Variants in UBE2O observed in about 807,000 individuals in gnomAD.
UBE2O encodes the protein (E3-independent) E2 ubiquitin-conjugating enzyme.
In UBE2O, 15 loss-of-function variants were observed where a neutral mutation model predicts 125.8. The ratio of observed to expected loss-of-function variants is 0.12; its 90% CI spans 0.08 to 0.18. UBE2O has a LOEUF of 0.18. UBE2O is among the 10% of genes least tolerant of loss of function. The pLI, the probability that UBE2O is intolerant of heterozygous loss-of-function variation, is 1.00. For missense variants in UBE2O, 1,280 were observed against 1,723.6 expected (o/e 0.74, Z 4.56); for synonymous variants, 708 against 703.2 (o/e 1.01, Z -0.11).
chr17:76,438,875 G>A (rs1370986700), intron 1 of UBE2O, among the ~76,000 whole-genome samples: 1 of 152,070 alleles, frequency 6.6e-6, no homozygotes, highest in Non-Finnish European at 1.5e-5. Context: ...GCATGCATAG[G>A]TGACGCCATG....
Position 76,398,784 on chromosome 17 carries a change from C to T in UBE2O, c.1783+53G>A, listed in dbSNP as rs1157358652. 16 of 1,594,610 alleles carry T rather than the reference C, an allele frequency of 1.0e-5. No individual in the cohort carries two copies. The highest frequency in any genetic ancestry group is 5.1e-5 in the Admixed American group (3 of 58,994). On this transcript the variant is annotated intron_variant, in intron 10 of 17. Coordinates refer to ENST00000319380, the MANE Select transcript of UBE2O (RefSeq NM_022066.4). This position sits in a 1 kb window ranked among gnomAD's most constrained non-coding sequence, Gnocchi z 5.4. ...TGCCCATTCTCCACAAGCCCCAACC[C>T]GGGCCCTCATTGGCGACCACCCTGC...
chr17:76,396,290 G>C lies in UBE2O; in HGVS notation c.2647C>G (p.Pro883Ala). Residue 883 changes from proline (P) to alanine (A), a missense_variant, in exon 14 of 18, where the codon CCC (proline) becomes GCC (alanine). Pro to Ala is a conservative substitution (Grantham distance 27, BLOSUM62 -1). Transcript: ENST00000319380. This position sits in a 1 kb window ranked among gnomAD's most constrained non-coding sequence, Gnocchi z 6.7. ...IVEEEKMEAV[P>A]DVERKEDKPE... ...TTGTCCTCCTTGCGCTCTACGTCGG[G>C]CACTGCTTCCATCTTCTCCTCCTCT... 6.2e-7 allele frequency: 1 copy of C among 1,614,178 alleles called. No homozygotes were observed. Among genetic ancestry groups the C allele is most frequent in the Non-Finnish European group, 8.5e-7 (1 of 1,180,034 alleles).
intron 1 of UBE2O, among the ~76,000 whole-genome samples, chr17:76,443,566 G>A (rs1199729416): frequency 6.6e-6 from 1 of 151,622 alleles, no homozygotes; most frequent in Non-Finnish European, 1.5e-5. Flanking sequence ...TGGGATTACA[G>A]GCGTGAGCCA....
At chr17:76,449,377 C>T (rs1222480080) in intron 1 of UBE2O, among the ~76,000 whole-genome samples, 1 of 152,050 alleles carries the variant, frequency 6.6e-6, no homozygotes, top group Non-Finnish European at 1.5e-5. Context: ...AAGTTCAAGA[C>T]CAGCCTGGCC....
Position 76,398,631 on chromosome 17 carries a change from A to C in UBE2O, c.1784-47T>G, listed in dbSNP as rs2072258576. 3 of 1,587,098 alleles carry C rather than the reference A, an allele frequency of 1.9e-6. No individual in the cohort carries two copies. In the African/African-American group the frequency reaches 4.0e-5, roughly 21 times the overall value. ...AGTGACTAGCTAAGGGATCCCGGCT[A>C]AGGAGCCCACATCTCAAGCCAGTGC... On this transcript the variant is annotated intron_variant, in intron 10 of 17. Coordinates refer to ENST00000319380, the MANE Select transcript of UBE2O (RefSeq NM_022066.4). This position sits in a 1 kb window ranked among gnomAD's most constrained non-coding sequence, Gnocchi z 5.4.
At position 76,389,896 on chromosome 17, in the gene UBE2O, G is replaced by T. The variant is rs1043447268; in HGVS notation, c.*1047C>A. The T allele has an allele frequency of 6.6e-6, 1 of 152,368 alleles. No individual in the cohort carries two copies. The highest frequency in any genetic ancestry group is 6.6e-5 in the Admixed American group (1 of 15,260). The allele number at this position is 152,368 out of a possible 1,614,324, so 9.4% of individuals were successfully genotyped here. ...TACATACACCAAAAATTACATAGCT[G>T]CAATGTGCTCAACAGCATCCTCTCG... is the stretch of plus-strand genomic sequence containing the variant. On this transcript the variant is annotated 3_prime_UTR_variant, in exon 18 of 18. Coordinates refer to ENST00000319380, the MANE Select transcript of UBE2O (RefSeq NM_022066.4).
chr17:76,429,680 C>T (rs1036586220), intron 1 of UBE2O, among the ~76,000 whole-genome samples: 2 of 152,124 alleles, frequency 1.3e-5, no homozygotes, highest in Admixed American at 6.5e-5. Flanking sequence ...CTGTGAGGAG[C>T]CACTACATAC....
intron 1 of UBE2O, among the ~76,000 whole-genome samples, chr17:76,408,671 GCA>G (rs1441116500): frequency 1.3e-5 from 2 of 152,188 alleles, no homozygotes; most frequent in East Asian, 3.8e-4. Flanking sequence ...TGCCTGCTAG[GCA>G]CAGTTTGCCC....
intron 15 of UBE2O, among the ~76,000 whole-genome samples, chr17:76,392,454 A>G (rs1232707529): frequency 2.6e-5 from 4 of 151,988 alleles, no homozygotes. Flanking sequence ...GTGTACAGAC[A>G]GGGTTTCACT....
chr17:76,453,076 C>T lies in UBE2O; in HGVS notation c.66G>A (p.Pro22=), dbSNP rs934050388. 1.6e-6 allele frequency: 2 copies of T among 1,222,760 alleles called. No homozygotes were observed. The highest frequency in any genetic ancestry group is 1.1e-6 in the Non-Finnish European group (1 of 936,956). 75.7% of individuals were successfully genotyped at this position (1,222,760 alleles called of 1,614,324 possible). ...CTGCGGCTGGGGCCGGGACTGCCTCCGGGGCTGGAGCCGGGGCCTGGGCTG... is the reference window on the plus strand; with the variant it reads ...CTGCGGCTGGGGCCGGGACTGCCTCTGGGGCTGGAGCCGGGGCCTGGGCTG... ...PAPAQAPAPA[P]EAVPAPAAAP... is the part of the protein sequence containing the mutation. The change falls in exon 1 of 18, where the codon CCG becomes CCA. Residue 22 remains proline, a synonymous_variant. Coordinates refer to ENST00000319380, the MANE Select transcript of UBE2O (RefSeq NM_022066.4).
intron 1 of UBE2O, among the ~76,000 whole-genome samples, chr17:76,407,956 G>T (rs949548726): frequency 1.3e-5 from 2 of 152,174 alleles, no homozygotes; most frequent in Non-Finnish European, 2.9e-5. Flanking sequence ...GGGGCTGGGG[G>T]ATGGTAACAT....
rs150212378 is a variant in UBE2O at position 76,414,757 on chromosome 17, C to T, written c.418-9185G>A. On this transcript the variant is annotated intron_variant, in intron 1 of 17. Transcript: ENST00000319380. ...AGAGCTTGGCCTGGCAGGGGGCCAG[C>T]GGGCTGGTCTCTGCAGATGCTGCGG... 2.6e-4 allele frequency among the ~76,000 whole-genome samples: 39 copies of T among 152,298 alleles called. No individual in the cohort carries two copies. The East Asian group carries it at 7.5e-3, about 29-fold the overall frequency.
chr17:76,451,269 A>C (rs4789297), intron 1 of UBE2O, among the ~76,000 whole-genome samples: 134,215 of 152,260 alleles, frequency 0.88, 59,307 homozygotes, highest in East Asian at 1. Flanking sequence ...ACCCTCTTTT[A>C]CTGACACAAT....
At chr17:76,406,664 G>A (rs1204038131) in intron 1 of UBE2O, among the ~76,000 whole-genome samples, 1 of 145,728 alleles carries the variant, frequency 6.9e-6, no homozygotes, top group African/African-American at 2.5e-5. Context: ...AGTGCAGAGA[G>A]TCCCATGGGA....
In UBE2O at chr17:76,398,475, C is replaced by G. The variant is rs376201036; in HGVS notation, c.1893G>C (p.Val631=). 17 of 1,614,040 alleles carry G rather than the reference C, an allele frequency of 1.1e-5. No individual in the cohort carries two copies. Among genetic ancestry groups the G allele is most frequent in the South Asian group, 5.5e-5 (5 of 91,086 alleles). Reference sequence around the variant, plus strand: ...AAGCAGTAGGGGCTGCACACACCTCCACGTCGTCCCCACTCGGCCTCAGCT... The same window carrying G: ...AAGCAGTAGGGGCTGCACACACCTCGACGTCGTCCCCACTCGGCCTCAGCT... ...WFKLRPSGDD[V]ELIGEEEDVS... The change falls in exon 11 of 18, where the codon GTG becomes GTC. Residue 631 remains valine, a synonymous_variant. Coordinates refer to ENST00000319380, the MANE Select transcript of UBE2O (RefSeq NM_022066.4). The surrounding 1 kb of genome is among the most constrained non-coding windows in gnomAD (Gnocchi z 5.4).
chr17:76,433,893 G>A (rs945131341), intron 1 of UBE2O, among the ~76,000 whole-genome samples: 11 of 152,162 alleles, frequency 7.2e-5, no homozygotes, highest in East Asian at 1.9e-4. Flanking sequence ...TTAGCCAGGC[G>A]TGGCGGTGCG....
chr17:76,450,557 T>G (rs2143935198), intron 1 of UBE2O, among the ~76,000 whole-genome samples: 1 of 151,922 alleles, frequency 6.6e-6, no homozygotes, highest in South Asian at 2.1e-4. Flanking sequence ...TTCAACAAAT[T>G]CAAAGCAAGT....
At chr17:76,397,732 G>A (rs998039697) in intron 13 of UBE2O, 67 bp downstream of exon 13, 18 of 1,490,766 alleles carry the variant, frequency 1.2e-5, no homozygotes, top group East Asian at 6.8e-5. Flanking sequence ...CTGGCTACAC[G>A]CCTGTGGCCC....
At position 76,399,459 on chromosome 17, in the gene UBE2O, G is replaced by A; in HGVS notation, c.1618C>T (p.Pro540Ser). The stretch of plus-strand genomic sequence containing the variant: ...CAACTCTGAGTTTACCTGTCCCCTG[G>A]CTTGAAGTCTCGAGTGATTTTATTC... The part of the protein sequence containing the change: ...KKNKITRDFK[P>S]GDRVAVEVVT... Residue 540 changes from proline (P) to serine (S), a missense_variant, in exon 9 of 18, where the codon CCA becomes TCA. Around this residue, in one of 10 missense-constraint regions of UBE2O, gnomAD observed 145 missense variants for 219.6 expected, o/e 0.66. Coordinates refer to ENST00000319380, the MANE Select transcript of UBE2O (RefSeq NM_022066.4). The surrounding 1 kb of genome is among the most constrained non-coding windows in gnomAD (Gnocchi z 6.9). The A allele has an allele frequency of 1.9e-6, 3 of 1,613,896 alleles. No individual in the cohort carries two copies. The highest frequency in any genetic ancestry group is 2.2e-5 in the East Asian group (1 of 44,886).
Sources: gnomAD v4.1 joint callset for allele counts (sites outside exome capture counted in the v4.1 genomes callset) on GRCh38, gnomAD v4.1.1 for gene constraint, gnomAD v4.1.1 regional missense constraint, Gnocchi (gnomAD v3.1) non-coding constraint, MANE v1.5 for transcripts, NCBI Gene and HGNC (gene_info 2026-07-23, HGNC 2026-07-21) for gene names.